CRISPLD2: variants seen among roughly 807,000 people sequenced by gnomAD.
The protein encoded by CRISPLD2 is cysteine rich secretory protein LCCL domain containing 2, also known as cysteine-rich secretory protein LCCL domain-containing 2.
In CRISPLD2, 47 loss-of-function variants were observed where a neutral mutation model predicts 71.1. The ratio of observed to expected loss-of-function variants is 0.66; its 90% confidence interval spans 0.52 to 0.84. The LOEUF is 0.84. CRISPLD2 is among the 40% of genes least tolerant of loss of function. The pLI is 0.00. For synonymous variants in CRISPLD2, 317 were observed against 250.1 expected, an observed-to-expected ratio of 1.27 and a Z score of -2.52; for missense variants, 830 against 651.1, an observed-to-expected ratio of 1.27 and a Z score of -2.99.
At chr16:84,848,770 T>A (rs1916987196) in intron 3 of CRISPLD2, among the ~76,000 whole-genome samples, 1 of 152,196 alleles carries the variant, frequency 6.6e-6, no homozygotes, top group Non-Finnish European at 1.5e-5. Flanking sequence ...CATCAGGTTT[T>A]GTCTTAGACA....
intron 14 of CRISPLD2, among the ~76,000 whole-genome samples, chr16:84,901,242 A>T (rs1425865323): frequency 6.6e-6 from 1 of 152,168 alleles, no homozygotes; most frequent in African/African-American, 2.4e-5. Context: ...CAGTATGTAT[A>T]TAATATTTGT....
rs188678960 is a variant in CRISPLD2 at position 84,905,922 on chromosome 16, C to T, written c.1440-666C>T. Among the ~76,000 whole-genome samples, 36 of 152,184 alleles carry T rather than the reference C, an allele frequency of 2.4e-4. No individual in the cohort carries two copies. The East Asian group carries it at 3.7e-3, about 16-fold the overall frequency. On this transcript the variant is annotated intron_variant, in intron 14 of 14. Transcript: ENST00000262424. The stretch of plus-strand genomic sequence containing the variant: ...ATGGGGTTTCACCATGTTGGCCAGG[C>T]TGGTCTCGAACTCCTGACCTCAGGT...
intron 2 of CRISPLD2, among the ~76,000 whole-genome samples, chr16:84,844,775 G>A (rs1241572946): frequency 6.6e-6 from 1 of 152,128 alleles, no homozygotes; most frequent in African/African-American, 2.4e-5. Flanking sequence ...CCCCTGCAGG[G>A]GCCCTCGTCT....
At chr16:84,857,908 T>C (rs1917284271) in intron 6 of CRISPLD2, among the ~76,000 whole-genome samples, 1 of 152,222 alleles carries the variant, frequency 6.6e-6, no homozygotes, top group Admixed American at 6.5e-5. Context: ...GATGGAATGC[T>C]GCTGTGCACG....
chr16:84,821,205 A>G (rs1001468988), intron 1 of CRISPLD2, among the ~76,000 whole-genome samples: 2 of 152,118 alleles, frequency 1.3e-5, no homozygotes, highest in African/African-American at 4.8e-5. Context: ...GATGTCTGAC[A>G]GTGAGGAGAG....
chr16:84,877,629 C>T (rs2071531616), intron 12 of CRISPLD2, 119 bp downstream of exon 12: 6 of 754,596 alleles, frequency 8.0e-6, no homozygotes, highest in South Asian at 1.7e-5. Flanking sequence ...GCGGGTGGAT[C>T]ACTTGAGGCC....
At chr16:84,883,365 C>T (rs2071584743) in intron 13 of CRISPLD2, among the ~76,000 whole-genome samples, 1 of 152,240 alleles carries the variant, frequency 6.6e-6, no homozygotes, top group South Asian at 2.1e-4. Context: ...TCCTGGCAGA[C>T]CCCTCGCTGT....
At chr16:84,860,431 C>T (rs892887720) in intron 6 of CRISPLD2, among the ~76,000 whole-genome samples, 14 of 152,208 alleles carry the variant, frequency 9.2e-5, no homozygotes, top group Non-Finnish European at 1.2e-4. Flanking sequence ...TCACCTCTAG[C>T]AGCCCGCCAG....
At chr16:84,873,290 C>G (rs933090271) in intron 10 of CRISPLD2, 168 bp downstream of exon 10, 2 of 654,878 alleles carry the variant, frequency 3.1e-6, no homozygotes, top group African/African-American at 3.8e-5. Flanking sequence ...CCAGCCTGAC[C>G]AACATGGTGA....
intron 7 of CRISPLD2, among the ~76,000 whole-genome samples, chr16:84,868,462 C>T (rs922174604): frequency 1.3e-5 from 2 of 152,168 alleles, no homozygotes; most frequent in African/African-American, 4.8e-5. Context: ...TCCTCCCTAC[C>T]CTCTCAGGAG....
chr16:84,896,801 G>T (rs2071710394), intron 14 of CRISPLD2, among the ~76,000 whole-genome samples: 1 of 152,130 alleles, frequency 6.6e-6, no homozygotes, highest in South Asian at 2.1e-4. Flanking sequence ...ACATATAAAT[G>T]ATATTTCTTA....
intron 9 of CRISPLD2, 21 bp downstream of exon 9, chr16:84,872,529 T>C: frequency 6.3e-7 from 1 of 1,596,516 alleles, no homozygotes; most frequent in Non-Finnish European, 8.6e-7. Context: ...CCAGTCCTCC[T>C]CTCAATGGCT....
chr16:84,849,654 G>T, intron 4 of CRISPLD2, 137 bp downstream of exon 4: 1 of 854,766 alleles, frequency 1.2e-6, no homozygotes, highest in African/African-American at 1.7e-5. Context: ...GTTCTATACA[G>T]AGTACAGCTG....
chr16:84,845,845 G>A lies in CRISPLD2; in HGVS notation c.300G>A (p.Glu100=), dbSNP rs776123537. The A allele has an allele frequency of 4.3e-6, 7 of 1,613,974 alleles. No homozygotes were observed. The highest frequency in any genetic ancestry group is 5.9e-6 in the Non-Finnish European group (7 of 1,179,942). ...CGTGGGCCAGTCAGTGCATCTGGGA[G>A]CACGGGCCCACCAGTCTGCTGGTGT... ...AAAWASQCIW[E]HGPTSLLVSI... Residue 100 remains glutamate (E), a synonymous_variant, in exon 3 of 15, where the codon GAG becomes GAA. Coordinates refer to ENST00000262424, the MANE Select transcript of CRISPLD2 (RefSeq NM_031476.4).
At chr16:84,827,865 C>T (rs1916392751) in intron 1 of CRISPLD2, among the ~76,000 whole-genome samples, 1 of 152,182 alleles carries the variant, frequency 6.6e-6, no homozygotes, top group Admixed American at 6.5e-5. Context: ...CCGCACCGGG[C>T]CTACAGTGCC....
chr16:84,836,415 G>C (rs1438960806), intron 1 of CRISPLD2: 1 of 152,160 alleles, frequency 6.6e-6, no homozygotes, highest in Non-Finnish European at 1.5e-5. Context: ...TGCATTCTTG[G>C]TCTGCTTCCC....
At chr16:84,827,753 G>A (rs1438974117) in intron 1 of CRISPLD2, among the ~76,000 whole-genome samples, 1 of 151,928 alleles carries the variant, frequency 6.6e-6, no homozygotes, top group Non-Finnish European at 1.5e-5. Flanking sequence ...TTTTAGTAGA[G>A]ACAGGGTTTC....
intron 3 of CRISPLD2, among the ~76,000 whole-genome samples, chr16:84,847,583 G>A (rs755890556): frequency 2.6e-5 from 4 of 151,942 alleles, no homozygotes; most frequent in South Asian, 2.1e-4. Flanking sequence ...CCCTGGAGGC[G>A]GAGGCTGCAG....
intron 13 of CRISPLD2, among the ~76,000 whole-genome samples, chr16:84,884,326 GACA>G (rs1393951291): frequency 6.6e-6 from 1 of 151,788 alleles, no homozygotes; most frequent in African/African-American, 2.4e-5. Flanking sequence ...GATTGATAAT[GACA>G]ACACCTACCC....
Sources: allele counts gnomAD v4.1 joint callset (sites outside exome capture counted in the v4.1 genomes callset), GRCh38; gene constraint gnomAD v4.1.1; transcripts MANE v1.5; gene names NCBI Gene and HGNC (gene_info 2026-07-23, HGNC 2026-07-21).